The following GPC5 variants were observed in gnomAD, a reference collection of about 807,000 sequenced individuals.
GPC5 encodes glypican 5, also known as glypican-5.
GPC5 carries 47 observed loss-of-function variants against 53.9 expected under a neutral mutation model. The ratio of observed to expected loss-of-function variants is 0.87; its 90% CI spans 0.69 to 1.11. GPC5 has a LOEUF of 1.11. GPC5 is among the 50% of genes most tolerant of loss of function. The probability of loss-of-function intolerance (pLI) is 0.00; values close to 1 mark genes in which losing one functional copy is unlikely to be tolerated. For synonymous variants in GPC5, 286 were observed against 263.3 expected, an observed-to-expected ratio of 1.09 and a Z score of -0.84; for missense variants, 748 against 713.1, an observed-to-expected ratio of 1.05 and a Z score of -0.56.
chr13:92,860,982 G>T (rs116369281), intron 7 of GPC5, among the ~76,000 whole-genome samples: 2 of 151,932 alleles, frequency 1.3e-5, no homozygotes, highest in East Asian at 3.9e-4. Flanking sequence ...AAATTAATGA[G>T]AGAGTCTCTA....
At chr13:92,264,774 A>T (rs1046818210) in intron 7 of GPC5, among the ~76,000 whole-genome samples, 24 of 151,804 alleles carry the variant, frequency 1.6e-4, no homozygotes, top group Admixed American at 1.5e-3. Flanking sequence ...CAATAGCAAC[A>T]TGTTCATGCT....
chr13:91,937,210 C>T (rs773265125), intron 6 of GPC5, among the ~76,000 whole-genome samples: 14 of 152,014 alleles, frequency 9.2e-5, no homozygotes, highest in Non-Finnish European at 1.9e-4. Flanking sequence ...TAAAGGTGTC[C>T]CATTAGCTTG....
intron 5 of GPC5, among the ~76,000 whole-genome samples, chr13:91,791,700 T>C (rs2037967534): frequency 6.7e-6 from 1 of 149,092 alleles, no homozygotes; most frequent in African/African-American, 2.5e-5. Context: ...CGTTGTAAAA[T>C]TGAAAATACT....
rs9583963 is a variant in GPC5 at position 91,762,875 on chromosome 13, G to A, written c.1280+6455G>A. Among the ~76,000 whole-genome samples the A allele has an allele frequency of 8.0e-3, 1,216 of 152,024 alleles. 10 individuals are homozygous for A. The highest frequency in any genetic ancestry group is 0.028 in the African/African-American group (1,164 of 41,456). Reference sequence around the variant, plus strand: ...TCTCACTTTTGTCTTGAATCTTAGGGGTATGAATCCCCTCATTTGTGTTTC... The same window carrying A: ...TCTCACTTTTGTCTTGAATCTTAGGAGTATGAATCCCCTCATTTGTGTTTC... On this transcript the variant is annotated intron_variant, in intron 5 of 7. Transcript: ENST00000377067.
chr13:91,813,444 C>T (rs1444637922), intron 5 of GPC5, among the ~76,000 whole-genome samples: 1 of 152,194 alleles, frequency 6.6e-6, no homozygotes, highest in Non-Finnish European at 1.5e-5. Flanking sequence ...GTCTCAAATT[C>T]TTGTTTAGAA....
intron 7 of GPC5, among the ~76,000 whole-genome samples, chr13:92,460,818 G>GC (rs34571626): frequency 0.37 from 55,913 of 151,936 alleles, 11,143 homozygotes; most frequent in Middle Eastern, 0.49. Context: ...TAAAAAGTGT[G>GC]CTAGAGCTAG....
intron 6 of GPC5, among the ~76,000 whole-genome samples, chr13:92,059,431 A>C (rs1189778883): frequency 6.6e-6 from 1 of 152,058 alleles, no homozygotes; most frequent in Non-Finnish European, 1.5e-5. Context: ...CTGCTGCCCA[A>C]AGGCAACCAT....
chr13:92,713,963 A>G (rs971374607), intron 7 of GPC5, among the ~76,000 whole-genome samples: 1 of 152,162 alleles, frequency 6.6e-6, no homozygotes, highest in African/African-American at 2.4e-5. Context: ...CCAGAATTGC[A>G]ATGCATGTTC....
chr13:92,532,742 T>G (rs1233868112), intron 7 of GPC5, among the ~76,000 whole-genome samples: 1 of 152,172 alleles, frequency 6.6e-6, no homozygotes, highest in African/African-American at 2.4e-5. Flanking sequence ...TCCAAACCTC[T>G]CCATTGCTTA....
chr13:92,051,701 C>T (rs1415433998), intron 6 of GPC5, among the ~76,000 whole-genome samples: 1 of 152,206 alleles, frequency 6.6e-6, no homozygotes, highest in Non-Finnish European at 1.5e-5. Flanking sequence ...TGGAAATCTA[C>T]TTCAGCTTTG....
rs976734945 is a variant in GPC5, at chr13:92,359,107, A to G, written c.1561+214118A>G. ...AGATTATCTCTTTGCTCACAAATATAAGAATATTTGCTGTTAGAAGGAGCC... is the reference window on the plus strand; with the variant it reads ...AGATTATCTCTTTGCTCACAAATATGAGAATATTTGCTGTTAGAAGGAGCC... On this transcript the variant is annotated intron_variant, in intron 7 of 7. Coordinates refer to ENST00000377067, the MANE Select transcript of GPC5 (RefSeq NM_004466.6). Among the ~76,000 whole-genome samples the G allele has an allele frequency of 2.1e-4, 32 of 151,806 alleles. 1 individual carries two copies. Among genetic ancestry groups the G allele is most frequent in the African/African-American group, 7.3e-4 (30 of 41,100 alleles).
At chr13:92,388,364 AC>A (rs2139320285) in intron 7 of GPC5, among the ~76,000 whole-genome samples, 1 of 152,216 alleles carries the variant, frequency 6.6e-6, no homozygotes, top group East Asian at 1.9e-4. Flanking sequence ...ATCTCTGGTA[AC>A]TAAGTTTATG....
At chr13:92,235,250 A>G (rs1446086092) in intron 7 of GPC5, among the ~76,000 whole-genome samples, 1 of 152,166 alleles carries the variant, frequency 6.6e-6, no homozygotes, top group East Asian at 1.9e-4. Context: ...AAATAAATTG[A>G]GAAGATTCTA....
intron 6 of GPC5, among the ~76,000 whole-genome samples, chr13:92,069,520 G>A (rs1385773541): frequency 6.6e-6 from 1 of 150,940 alleles, no homozygotes; most frequent in East Asian, 1.9e-4. Context: ...ATACCTCATG[G>A]CATCTCCATA....
intron 7 of GPC5, among the ~76,000 whole-genome samples, chr13:92,376,286 G>A (rs2043693043): frequency 6.6e-6 from 1 of 152,138 alleles, no homozygotes. Flanking sequence ...GATTTATGAG[G>A]TTGGCTAAGC....
intron 1 of GPC5, among the ~76,000 whole-genome samples, chr13:91,436,797 T>C (rs1296266428): frequency 2.6e-5 from 4 of 152,192 alleles, no homozygotes; most frequent in Non-Finnish European, 5.9e-5. Context: ...TGTTAAAGTC[T>C]CCCATTATTA....
At chr13:92,784,573 A>T (rs1366047837) in intron 7 of GPC5, among the ~76,000 whole-genome samples, 1 of 152,136 alleles carries the variant, frequency 6.6e-6, no homozygotes, top group African/African-American at 2.4e-5. Context: ...CTTTCCATCA[A>T]TATTAAAGAT....
At chr13:92,205,589 G>A (rs1292816368) in intron 7 of GPC5, among the ~76,000 whole-genome samples, 1 of 152,148 alleles carries the variant, frequency 6.6e-6, no homozygotes, top group East Asian at 1.9e-4. Context: ...TTACTACAGA[G>A]GGCACATTCT....
intron 7 of GPC5, among the ~76,000 whole-genome samples, chr13:92,617,296 T>C (rs1431937438): frequency 1.3e-5 from 2 of 152,160 alleles, no homozygotes; most frequent in East Asian, 3.9e-4. Context: ...GTGTAGAAGC[T>C]AGTGGTATCA....
Sources: gnomAD v4.1 joint callset for allele counts (sites outside exome capture counted in the v4.1 genomes callset) on GRCh38, gnomAD v4.1.1 for gene constraint, MANE v1.5 for transcripts, NCBI Gene and HGNC (gene_info 2026-07-23, HGNC 2026-07-21) for gene names.